The following COMMD10 variants were observed in gnomAD, a reference collection of about 807,000 sequenced individuals.
The protein encoded by COMMD10 is COMM domain containing 10.
COMMD10 carries 33 observed loss-of-function variants against 28.9 expected under a neutral mutation model. The ratio of observed to expected loss-of-function variants is 1.14; its 90% CI spans 0.87 to 1.53. The LOEUF (loss-of-function observed/expected upper bound fraction) is 1.53. Among genes scored for constraint, COMMD10 ranks in the 40% most tolerant of loss-of-function variants. The pLI is 0.00. For synonymous variants in COMMD10, 110 were observed against 81.7 expected (o/e 1.35, Z -1.87); for missense variants, 310 against 233.4 (o/e 1.33, Z -2.14).
At chr5:116,213,707 A>G (rs938468815) in intron 5 of COMMD10, among the ~76,000 whole-genome samples, 1 of 152,088 alleles carries the variant, frequency 6.6e-6, no homozygotes, top group Non-Finnish European at 1.5e-5. Context: ...TAGATACCAT[A>G]TATTTTTTTA....
chr5:116,152,343 C>G (rs527279735), intron 5 of COMMD10, among the ~76,000 whole-genome samples: 1 of 152,184 alleles, frequency 6.6e-6, no homozygotes, highest in African/African-American at 2.4e-5. Flanking sequence ...TGAACTCTCT[C>G]CCTGTGGGAT....
At chr5:116,166,851 A>G (rs1753115248) in intron 5 of COMMD10, among the ~76,000 whole-genome samples, 1 of 152,182 alleles carries the variant, frequency 6.6e-6, no homozygotes, top group African/African-American at 2.4e-5. Context: ...GGTCACCAAC[A>G]TCAAAGACCA....
At chr5:116,147,567 C>G (rs959479011) in intron 5 of COMMD10, among the ~76,000 whole-genome samples, 1 of 151,712 alleles carries the variant, frequency 6.6e-6, no homozygotes, top group Non-Finnish European at 1.5e-5. Context: ...TCAGTAACTG[C>G]TATTATGACA....
intron 5 of COMMD10, among the ~76,000 whole-genome samples, chr5:116,200,218 C>T (rs1204041776): frequency 6.6e-6 from 1 of 151,976 alleles, no homozygotes; most frequent in Non-Finnish European, 1.5e-5. Context: ...TTCGTTTTTT[C>T]TACTATATAT....
intron 5 of COMMD10, among the ~76,000 whole-genome samples, chr5:116,137,594 C>G (rs9326989): frequency 0.11 from 16,354 of 151,860 alleles, 981 homozygotes; most frequent in African/African-American, 0.15. Context: ...GTTGTATTTA[C>G]TTTTGAGCTG....
intron 5 of COMMD10, among the ~76,000 whole-genome samples, chr5:116,218,833 G>A (rs771868260): frequency 6.6e-6 from 1 of 152,116 alleles, no homozygotes; most frequent in Non-Finnish European, 1.5e-5. Context: ...AGTTAGCTTT[G>A]AATAGGGCGT....
At chr5:116,271,466 T>C (rs1750755245) in intron 5 of COMMD10, among the ~76,000 whole-genome samples, 1 of 151,726 alleles carries the variant, frequency 6.6e-6, no homozygotes, top group South Asian at 2.1e-4. Flanking sequence ...TTTTGTTTCC[T>C]ATCTCAAATC....
intron 4 of COMMD10, among the ~76,000 whole-genome samples, chr5:116,110,368 G>C (rs190788563): frequency 7.2e-5 from 11 of 152,142 alleles, no homozygotes; most frequent in African/African-American, 2.7e-4. Context: ...TTGGTATTGG[G>C]ATGATACTGG....
intron 5 of COMMD10, among the ~76,000 whole-genome samples, chr5:116,149,941 T>C (rs1003398679): frequency 1.1e-4 from 16 of 152,260 alleles, no homozygotes; most frequent in East Asian, 3.9e-4. Context: ...CATGCCTATG[T>C]CCTGAATGGT....
rs186881508 is a variant in COMMD10 at position 116,121,924 on chromosome 5, C to T, written c.400-12144C>T. 8.5e-5 allele frequency among the ~76,000 whole-genome samples: 13 copies of T among 152,258 alleles called. No homozygotes were observed. The South Asian group carries it at 2.3e-3, about 27-fold the overall frequency. On this transcript the variant is annotated intron_variant, in intron 4 of 6. Transcript: ENST00000274458. ...TAGATTGCACAAATTTTCTCCCATT[C>T]TGTAGGTTGCCTGTTCACTCTGATG...
intron 1 of COMMD10, among the ~76,000 whole-genome samples, chr5:116,085,903 T>G (rs986032761): frequency 1.3e-5 from 2 of 152,184 alleles, no homozygotes; most frequent in African/African-American, 4.8e-5. Context: ...CTGGATTCCT[T>G]TTGTTACCAG....
At chr5:116,130,663 C>A (rs1751834681) in intron 4 of COMMD10, among the ~76,000 whole-genome samples, 1 of 151,830 alleles carries the variant, frequency 6.6e-6, no homozygotes, top group African/African-American at 2.4e-5. Context: ...AGTCTGTGAC[C>A]CAAAATATTT....
intron 5 of COMMD10, among the ~76,000 whole-genome samples, chr5:116,258,032 A>G (rs888898203): frequency 1.3e-5 from 2 of 151,758 alleles, no homozygotes; most frequent in Non-Finnish European, 2.9e-5. Flanking sequence ...GGAATGGTAT[A>G]ATGGTGAATG....
At chr5:116,151,336 T>C (rs1173436243) in intron 5 of COMMD10, among the ~76,000 whole-genome samples, 2 of 152,046 alleles carry the variant, frequency 1.3e-5, no homozygotes. Flanking sequence ...TGGTTGTGTC[T>C]CTGCCCAGCT....
intron 4 of COMMD10, among the ~76,000 whole-genome samples, chr5:116,108,814 C>T (rs1750936169): frequency 6.6e-6 from 1 of 152,120 alleles, no homozygotes; most frequent in Non-Finnish European, 1.5e-5. Context: ...AAACCCAGGG[C>T]CTAGGTGGCA....
At position 116,087,596 on chromosome 5, in the gene COMMD10, T is replaced by A; in HGVS notation, c.132+9T>A. The A allele has an allele frequency of 6.4e-7, 1 of 1,570,038 alleles. No individual in the cohort carries two copies. The highest frequency in any genetic ancestry group is 8.8e-7 in the Non-Finnish European group (1 of 1,139,870). On this transcript the variant is annotated intron_variant, in intron 2 of 6. Coordinates refer to ENST00000274458, the MANE Select transcript of COMMD10 (RefSeq NM_016144.4). The stretch of plus-strand genomic sequence containing the variant: ...AAAAACTTCACCTGAAGGTTTGTAT[T>A]TGTGTGTTTCCATGCCTTGTAATCT...
chr5:116,270,722 A>G (rs998113579), intron 5 of COMMD10, among the ~76,000 whole-genome samples: 1 of 151,742 alleles, frequency 6.6e-6, no homozygotes, highest in Non-Finnish European at 1.5e-5. Flanking sequence ...GGATCAGCTG[A>G]GGTCAGGAGC....
At chr5:116,161,575 T>G (rs1365849552) in intron 5 of COMMD10, among the ~76,000 whole-genome samples, 1 of 152,082 alleles carries the variant, frequency 6.6e-6, no homozygotes, top group East Asian at 1.9e-4. Flanking sequence ...ACACATATTT[T>G]ATATATTATA....
chr5:116,129,068 A>G (rs1036183581), intron 4 of COMMD10, among the ~76,000 whole-genome samples: 1 of 151,876 alleles, frequency 6.6e-6, no homozygotes, highest in Non-Finnish European at 1.5e-5. Context: ...TAAACATACA[A>G]TTCCACGTGA....
Sources: allele counts gnomAD v4.1 joint callset (sites outside exome capture counted in the v4.1 genomes callset), GRCh38; gene constraint gnomAD v4.1.1; transcripts MANE v1.5; gene names NCBI Gene and HGNC (gene_info 2026-07-23, HGNC 2026-07-21).